SYT16: variants seen among roughly 807,000 people sequenced by gnomAD.
SYT16 encodes synaptotagmin-16.
SYT16 carries 42 observed loss-of-function variants against 61.4 expected under a neutral mutation model. That is an observed-to-expected ratio of 0.68 (90% CI 0.53 to 0.89). The LOEUF (loss-of-function observed/expected upper bound fraction) is 0.89, where lower values mean the gene tolerates loss of function less well. Ranked by LOEUF, SYT16 falls within the 40% of genes least tolerant of loss-of-function variation. SYT16 has a pLI of 0.00. For missense variants in SYT16, 804 were observed against 807.3 expected, an observed-to-expected ratio of 1.00 and a Z score of 0.05; for synonymous variants, 314 against 302.3, an observed-to-expected ratio of 1.04 and a Z score of -0.40.
At chr14:61,822,211 A>G (rs1272447060) in intron 1 of SYT16, among the ~76,000 whole-genome samples, 1 of 152,190 alleles carries the variant, frequency 6.6e-6, no homozygotes, top group Non-Finnish European at 1.5e-5. Flanking sequence ...AAGTCCAACA[A>G]TCCAAAAGCT....
downstream of SYT16, chr14:62,112,637 C>T (rs1167738567): frequency 6.6e-6 from 1 of 152,126 alleles, no homozygotes; most frequent in Non-Finnish European, 1.5e-5. Context: ...AATGATACTG[C>T]TTATTTTAGT....
intron 1 of SYT16, among the ~76,000 whole-genome samples, chr14:61,889,684 C>G (rs187272855): frequency 1.6e-3 from 248 of 151,990 alleles, no homozygotes; most frequent in African/African-American, 5.9e-3. Context: ...CTCATGTACC[C>G]TCTGCACAGG....
chr14:61,941,750 A>G (rs2050219318), intron 1 of SYT16, among the ~76,000 whole-genome samples: 1 of 152,144 alleles, frequency 6.6e-6, no homozygotes, highest in South Asian at 2.1e-4. Flanking sequence ...CCCCATCGCT[A>G]TGACCATAGG....
chr14:61,959,985 G>A (rs894319759), intron 1 of SYT16, among the ~76,000 whole-genome samples: 2 of 151,998 alleles, frequency 1.3e-5, no homozygotes, highest in African/African-American at 4.8e-5. Context: ...ACATGTCTAT[G>A]CCACCATGCC....
intron 3 of SYT16, among the ~76,000 whole-genome samples, chr14:62,024,639 C>T (rs766528196): frequency 2.6e-5 from 4 of 152,008 alleles, no homozygotes; most frequent in Non-Finnish European, 4.4e-5. Context: ...ACATCATTAT[C>T]ACCCAAAGTC....
At chr14:61,975,813 T>TC (rs1334163249) in intron 2 of SYT16, among the ~76,000 whole-genome samples, 3 of 151,988 alleles carry the variant, frequency 2.0e-5, no homozygotes, top group African/African-American at 7.3e-5. Flanking sequence ...TGCTCCTGGT[T>TC]CCCCCCAAAT....
chr14:62,023,257 A>T (rs2053979696), intron 3 of SYT16, among the ~76,000 whole-genome samples: 1 of 152,028 alleles, frequency 6.6e-6, no homozygotes, highest in South Asian at 2.1e-4. Context: ...TTGCAGTCTT[A>T]CCTTTGTTCT....
chr14:62,075,511 T>A, intron 5 of SYT16, 120 bp downstream of exon 5: 1 of 1,220,378 alleles, frequency 8.2e-7, no homozygotes, highest in East Asian at 2.5e-5. Context: ...TACTTTTATC[T>A]GCAATAAATT....
intron 1 of SYT16, among the ~76,000 whole-genome samples, chr14:61,817,148 G>A (rs2045467072): frequency 6.6e-6 from 1 of 152,004 alleles, no homozygotes; most frequent in South Asian, 2.1e-4. Flanking sequence ...TAGTTGCGGT[G>A]GCTCATGCCT....
intron 3 of SYT16, among the ~76,000 whole-genome samples, chr14:62,058,459 C>A (rs1409448416): frequency 1.4e-5 from 2 of 148,118 alleles, no homozygotes; most frequent in Non-Finnish European, 3.0e-5. Flanking sequence ...CCAGGTTCTT[C>A]TGTGAGTGAT....
intron 2 of SYT16, among the ~76,000 whole-genome samples, chr14:61,992,186 C>T (rs2052580729): frequency 6.6e-6 from 1 of 152,080 alleles, no homozygotes; most frequent in Non-Finnish European, 1.5e-5. Flanking sequence ...GAAGAGTTGA[C>T]AGAGGAAGCA....
intron 1 of SYT16, among the ~76,000 whole-genome samples, chr14:61,960,984 C>T (rs552113854): frequency 6.6e-5 from 10 of 152,256 alleles, no homozygotes; most frequent in African/African-American, 2.2e-4. Context: ...ATCATCTGAT[C>T]TTTGACAAAG....
intron 1 of SYT16, among the ~76,000 whole-genome samples, chr14:61,955,260 A>G (rs1186663575): frequency 1.3e-5 from 2 of 152,122 alleles, no homozygotes; most frequent in Admixed American, 6.6e-5. Context: ...AAAGTTTCAT[A>G]CTGTCCCTCC....
intron 1 of SYT16, among the ~76,000 whole-genome samples, chr14:61,860,475 G>A (rs796489696): frequency 4.6e-5 from 7 of 152,324 alleles, no homozygotes; most frequent in African/African-American, 1.7e-4. Context: ...GGACTGCAGT[G>A]CACAAAGTGG....
intron 3 of SYT16, among the ~76,000 whole-genome samples, chr14:62,023,216 G>C (rs912155574): frequency 6.6e-6 from 1 of 152,038 alleles, no homozygotes; most frequent in Non-Finnish European, 1.5e-5. Flanking sequence ...ACTTTCAAGG[G>C]CTTATTTTAG....
intron 4 of SYT16, among the ~76,000 whole-genome samples, chr14:62,072,817 A>T (rs954602319): frequency 2.6e-5 from 4 of 152,110 alleles, no homozygotes; most frequent in African/African-American, 9.7e-5. Flanking sequence ...AGTATGAAAA[A>T]AGTATTTGAA....
At chr14:61,996,628 T>G in intron 3 of SYT16, 86 bp downstream of exon 3, 1 of 1,476,888 alleles carries the variant, frequency 6.8e-7, no homozygotes, top group Non-Finnish European at 9.0e-7. Context: ...AGTTATCATG[T>G]GGATTTTATT....
chr14:61,866,642 T>C (rs1418491041), intron 1 of SYT16, among the ~76,000 whole-genome samples: 1 of 152,128 alleles, frequency 6.6e-6, no homozygotes, highest in Non-Finnish European at 1.5e-5. Context: ...ATTATGAGGG[T>C]TCTTTAGTGT....
intron 1 of SYT16, among the ~76,000 whole-genome samples, chr14:61,963,115 C>T (rs924944549): frequency 1.1e-4 from 17 of 152,230 alleles, no homozygotes; most frequent in East Asian, 1.9e-4. Context: ...TCTCCCTCTC[C>T]TCAGGCCTTC....
Sources: gnomAD v4.1 joint callset for allele counts (sites outside exome capture counted in the v4.1 genomes callset) on GRCh38, gnomAD v4.1.1 for gene constraint, MANE v1.5 for transcripts, NCBI Gene and HGNC (gene_info 2026-07-23, HGNC 2026-07-21) for gene names.